Variants in PTRH1 observed in about 807,000 individuals in gnomAD.
The protein encoded by PTRH1 is peptidyl-tRNA hydrolase.
PTRH1 carries 13 observed loss-of-function variants against 15.7 expected under a neutral mutation model. The observed-to-expected ratio is 0.83, with a 90% CI of 0.54 to 1.31. The LOEUF is 1.31. PTRH1 is among the 40% of genes most tolerant of loss of function. The pLI, the probability that PTRH1 is intolerant of heterozygous loss-of-function variation, is 0.00. For missense variants in PTRH1, 319 were observed against 296.2 expected, an observed-to-expected ratio of 1.08 and a Z score of -0.56; for synonymous variants, 139 against 136.7, an observed-to-expected ratio of 1.02 and a Z score of -0.12.
At position 127,699,724 on chromosome 9, in the gene PTRH1, A is replaced by G. The variant is rs76175558; in HGVS notation, c.206-4583T>C. Among the ~76,000 whole-genome samples the G allele has an allele frequency of 2.6e-3, 402 of 152,118 alleles. 11 individuals are homozygous for G. In the East Asian group the frequency reaches 0.059, roughly 22 times the overall value. ...AAAATGGGCTATCAGGGGAAAAAAA[A>G]AACAAAAAAACTGGTTCTGGGAGTT... On this transcript the variant is annotated intron_variant, in intron 1 of 2. Coordinates refer to the PTRH1 transcript ENST00000335223.
chr9:127,694,386 A>G (rs965124734), intron 2 of PTRH1, among the ~76,000 whole-genome samples: 5 of 152,270 alleles, frequency 3.3e-5, no homozygotes, highest in East Asian at 1.9e-4. Context: ...TGTCCCTCCA[A>G]TCTCCTGGGA....
At chr9:127,707,523 C>A (rs1842674345) in intron 1 of PTRH1, among the ~76,000 whole-genome samples, 1 of 152,254 alleles carries the variant, frequency 6.6e-6, no homozygotes, top group East Asian at 1.9e-4. Flanking sequence ...TGGAAACAGC[C>A]CTCTGGCAGG....
intron 1 of PTRH1, among the ~76,000 whole-genome samples, chr9:127,699,592 A>C (rs575829264): frequency 7.9e-5 from 12 of 152,330 alleles, no homozygotes; most frequent in Non-Finnish European, 1.6e-4. Context: ...TGGGTTAGGC[A>C]GTACGAATAC....
downstream of PTRH1, chr9:127,712,388 G>A (rs200406757): frequency 8.7e-6 from 14 of 1,608,816 alleles, no homozygotes; most frequent in African/African-American, 1.2e-4. Flanking sequence ...AAGGGGAGGG[G>A]GAGTGAGCGC....
At position 127,714,651 on chromosome 9, in the gene PTRH1, A is replaced by T. The variant is rs775273566; in HGVS notation, c.368T>A (p.Leu123Gln). The T allele has an allele frequency of 4.3e-6, 7 of 1,613,892 alleles. No individual in the cohort carries two copies. The Admixed American group carries it at 1.0e-4, about 23-fold the overall frequency. Residue 123 changes from leucine (L) to glutamine (Q), a missense_variant, in exon 3 of 5, where the codon CTG becomes CAG. Leu to Gln is a moderately radical substitution (Grantham distance 113). Coordinates refer to ENST00000543175, the MANE Select transcript of PTRH1 (RefSeq NM_001002913.3). The stretch of plus-strand genomic sequence containing the variant: ...AGCCAGTCTCCCCAGGGGCTTGTCC[A>T]GCTCATCATGCACCAGGTAGACTTC... ...AEEVYLVHDE[L>Q]DKPLGRLALK...
chr9:127,715,373 G>A lies in PTRH1; in HGVS notation c.96+171C>T. 8.0e-7 allele frequency: 1 copy of A among 1,247,758 alleles called. No individual in the cohort carries two copies. Among genetic ancestry groups the A allele is most frequent in the Non-Finnish European group, 1.1e-6 (1 of 881,626 alleles). 77.3% of individuals were successfully genotyped at this position (1,247,758 alleles called of 1,614,324 possible). ...AGAACTCCAGAAGGCTGGGCAGGCAGGGCGCCCTAGTGCAGGAACGGAGCT... is the reference window on the plus strand; with the variant it reads ...AGAACTCCAGAAGGCTGGGCAGGCAAGGCGCCCTAGTGCAGGAACGGAGCT... On this transcript the variant is annotated intron_variant, in intron 1 of 4. Transcript: ENST00000543175. The surrounding 1 kb of genome is among the most constrained non-coding windows in gnomAD (Gnocchi z 5.8).
At chr9:127,700,222 TTC>T (rs1231801786) in intron 1 of PTRH1, among the ~76,000 whole-genome samples, 1 of 152,188 alleles carries the variant, frequency 6.6e-6, no homozygotes, top group African/African-American at 2.4e-5. Context: ...CGCTCCCTCC[TTC>T]TCTCAGCTGC....
downstream of PTRH1, chr9:127,709,618 G>C: frequency 6.2e-7 from 1 of 1,613,872 alleles, no homozygotes; most frequent in Non-Finnish European, 8.5e-7. The surrounding 1 kb of genome is among the most constrained non-coding windows in gnomAD (Gnocchi z 4.7). Context: ...GGATGCCTTC[G>C]AGGCGCAGCT....
downstream of PTRH1, chr9:127,710,773 C>A (rs1401768623): frequency 1.3e-6 from 2 of 1,554,110 alleles, no homozygotes; most frequent in South Asian, 2.4e-5. Context: ...GCGGGGCACC[C>A]TTTGGGGCCT....
At chr9:127,703,190 C>A (rs771216891) in intron 1 of PTRH1, among the ~76,000 whole-genome samples, 1 of 151,952 alleles carries the variant, frequency 6.6e-6, no homozygotes, top group South Asian at 2.1e-4. Context: ...ATGGCTCACA[C>A]CTGTAATCCT....
chr9:127,715,438 T>A lies in PTRH1; in HGVS notation c.96+106A>T. 1 of 1,503,650 alleles carries A rather than the reference T, an allele frequency of 6.7e-7. No homozygotes were observed. Among genetic ancestry groups the A allele is most frequent in the South Asian group, 1.2e-5 (1 of 85,636 alleles). The allele number at this position is 1,503,650 out of a possible 1,614,324, so 93.1% of individuals were successfully genotyped here. ...GCCCGTCGAGCACTGAACTCACCAG[T>A]TAAGAAAACAGAGCAGCAATTTGGG... On this transcript the variant is annotated intron_variant, in intron 1 of 4. Coordinates refer to ENST00000543175, the MANE Select transcript of PTRH1 (RefSeq NM_001002913.3). This position sits in a 1 kb window ranked among gnomAD's most constrained non-coding sequence, Gnocchi z 5.8.
At chr9:127,712,834 TC>T, downstream of PTRH1, 1 of 1,613,602 alleles carries the variant, frequency 6.2e-7, no homozygotes, top group East Asian at 2.2e-5. Context: ...AGGCTGCGTG[TC>T]CCCACCAGGA....
At chr9:127,712,712 C>G, downstream of PTRH1, 1 of 1,614,172 alleles carries the variant, frequency 6.2e-7, no homozygotes, top group Non-Finnish European at 8.5e-7. Context: ...CCAACAGATG[C>G]ACCGCGATGA....
At position 127,706,916 on chromosome 9, in the gene PTRH1, G is replaced by T. The variant is rs936047114; in HGVS notation, c.205+8519C>A. 2.0e-5 allele frequency: 26 copies of T among 1,278,366 alleles called. No individual in the cohort carries two copies. In the East Asian group the frequency reaches 6.1e-4, roughly 30 times the overall value. 79.2% of individuals were successfully genotyped at this position (1,278,366 alleles called of 1,614,324 possible). A position where few individuals can be genotyped will look rare whatever the true frequency, so the allele number is the denominator to read the frequency against. On this transcript the variant is annotated intron_variant, in intron 1 of 2. Coordinates refer to the PTRH1 transcript ENST00000335223. ...GGTACCGGCACCCAGCAAGAAGAGG[G>T]CAGGGTCCCTTTAAGCCCAGCCTCA...
downstream of PTRH1, chr9:127,709,750 C>A: frequency 6.4e-7 from 1 of 1,552,666 alleles, no homozygotes; most frequent in Non-Finnish European, 8.8e-7. This position sits in a 1 kb window ranked among gnomAD's most constrained non-coding sequence, Gnocchi z 4.7. Flanking sequence ...CTATCACTGA[C>A]CCTGTTTCTC....
chr9:127,714,854 G>T, intron 2 of PTRH1, 121 bp downstream of exon 2: 1 of 1,033,982 alleles, frequency 9.7e-7, no homozygotes, highest in Non-Finnish European at 1.4e-6. Context: ...AGCAACTGGA[G>T]CTCAACAGGT....
chr9:127,713,680 T>G (rs1210387114), downstream of PTRH1: 4 of 555,156 alleles, frequency 7.2e-6, no homozygotes, highest in Non-Finnish European at 9.8e-6. Context: ...CTACTTTTTG[T>G]ATTTTTAGTA....
At chr9:127,707,746 C>T (rs1006646050) in intron 1 of PTRH1, among the ~76,000 whole-genome samples, 1 of 152,218 alleles carries the variant, frequency 6.6e-6, no homozygotes, top group Non-Finnish European at 1.5e-5. Flanking sequence ...TCCTCTAACT[C>T]TTCATTCAGA....
In PTRH1 at chr9:127,700,203, C is replaced by G. The variant is rs143095583; in HGVS notation, c.206-5062G>C. Among the ~76,000 whole-genome samples, 51 of 152,312 alleles carry G rather than the reference C, an allele frequency of 3.3e-4. 2 individuals carry two copies. The East Asian group carries it at 9.4e-3, about 28-fold the overall frequency. ...ATGTGTCAGGCTGTCTCTCTGACCC[C>G]CTCTTGCCCGCTCCCTCCTTCTCTC... On this transcript the variant is annotated intron_variant, in intron 1 of 2. Transcript: ENST00000335223.
Sources: gnomAD v4.1 joint callset for allele counts (sites outside exome capture counted in the v4.1 genomes callset) on GRCh38, gnomAD v4.1.1 for gene constraint, Gnocchi (gnomAD v3.1) non-coding constraint, MANE v1.5 for transcripts, NCBI Gene and HGNC (gene_info 2026-07-23, HGNC 2026-07-21) for gene names.